Variants in STARD3 observed in about 807,000 individuals in gnomAD.
STARD3 encodes StAR related lipid transfer domain containing 3, also known as stAR-related lipid transfer protein 3.
STARD3 carries 39 observed loss-of-function variants against 62.0 expected under a neutral mutation model. The observed-to-expected ratio is 0.63, with a 90% CI of 0.49 to 0.82. The LOEUF (loss-of-function observed/expected upper bound fraction) is 0.82. Among genes scored for constraint, STARD3 ranks in the 40% least tolerant of loss-of-function variants. The pLI, the probability that STARD3 is intolerant of heterozygous loss-of-function variation, is 0.00. For missense variants in STARD3, 543 were observed against 584.5 expected, an observed-to-expected ratio of 0.93 and a Z score of 0.73; for synonymous variants, 229 against 242.4, an observed-to-expected ratio of 0.94 and a Z score of 0.51.
rs1483126201 is a variant in STARD3 at position 39,664,142 on chromosome 17, T to C, written c.*1234T>C. ...CTCTCTCAGCTTCTGCTTCCCACTT[T>C]ATGAAAATGGGACTGATGTCACAGG... On this transcript the variant is annotated 3_prime_UTR_variant, in exon 15 of 15. Transcript: ENST00000336308. 6.6e-6 allele frequency: 1 copy of C among 152,310 alleles called. No homozygotes were observed. The highest frequency in any genetic ancestry group is 1.5e-5 in the Non-Finnish European group (1 of 68,032). The allele number at this position is 152,310 out of a possible 1,614,324, so 9.4% of individuals were successfully genotyped here.
intron 7 of STARD3, 27 bp from the exon 8 acceptor site, chr17:39,659,024 A>C (rs761136958): frequency 1.2e-6 from 2 of 1,613,554 alleles, no homozygotes; most frequent in Admixed American, 1.7e-5. Context: ...ACCCCTTGCC[A>C]TTGTCATCTG....
chr17:39,659,821 T>C (rs1389250116), intron 9 of STARD3: 1 of 476,770 alleles, frequency 2.1e-6, no homozygotes. Flanking sequence ...GAAGCCAGGC[T>C]TCTGCTCTGC....
At chr17:39,650,274 T>G (rs1195448562) in intron 1 of STARD3, among the ~76,000 whole-genome samples, 1 of 152,042 alleles carries the variant, frequency 6.6e-6, no homozygotes, top group African/African-American at 2.4e-5. Context: ...AAGAGCACCA[T>G]GTGACAGCGA....
intron 1 of STARD3, among the ~76,000 whole-genome samples, chr17:39,650,975 G>T (rs2057072759): frequency 6.6e-6 from 1 of 152,226 alleles, no homozygotes; most frequent in Non-Finnish European, 1.5e-5. Context: ...GCTGCGGCCT[G>T]TCACCATGAG....
intron 13 of STARD3, among the ~76,000 whole-genome samples, chr17:39,661,590 C>G (rs903806714): frequency 1.3e-5 from 2 of 152,178 alleles, no homozygotes; most frequent in African/African-American, 2.4e-5. Flanking sequence ...GGAGTCTTCC[C>G]TTTTGTCCAG....
chr17:39,659,192 G>A (rs1219386806), intron 8 of STARD3, 86 bp downstream of exon 8: 4 of 1,549,722 alleles, frequency 2.6e-6, no homozygotes, highest in Non-Finnish European at 3.5e-6. Flanking sequence ...GGTGGGCAGG[G>A]GTTTCCCAGT....
chr17:39,646,315 C>T (rs2057025858), intron 1 of STARD3, among the ~76,000 whole-genome samples: 1 of 152,172 alleles, frequency 6.6e-6, no homozygotes, highest in South Asian at 2.1e-4. Flanking sequence ...TGCAGTGGCA[C>T]AGTCTCAGCC....
At position 39,658,539 on chromosome 17, in the gene STARD3, A is replaced by AG. The variant is rs1170438313; in HGVS notation, c.547+23dup. The stretch of plus-strand genomic sequence containing the variant: ...AGGAGCGATGTGAGTGCTTGCGGGT[A>AG]GGGGGGTGCAGCGAGGGTTACCCAC... On this transcript the variant is annotated intron_variant, in intron 6 of 14. Transcript: ENST00000336308. 11 of 1,610,044 alleles carry AG rather than the reference A, an allele frequency of 6.8e-6. No homozygotes were observed. The highest frequency in any genetic ancestry group is 2.2e-5 in the East Asian group (1 of 44,860).
intron 1 of STARD3, among the ~76,000 whole-genome samples, chr17:39,649,753 C>T (rs879940133): frequency 3.3e-5 from 5 of 150,992 alleles, no homozygotes; most frequent in African/African-American, 4.9e-5. Context: ...GTAATCCAGG[C>T]TACTTGGGAG....
chr17:39,649,716 G>C (rs2057058619), intron 1 of STARD3, among the ~76,000 whole-genome samples: 1 of 151,798 alleles, frequency 6.6e-6, no homozygotes, highest in African/African-American at 2.4e-5. Context: ...AAAATACAAA[G>C]TTAGCTGGAC....
At position 39,660,349 on chromosome 17, in the gene STARD3, G is replaced by T. The variant is rs1219202157; in HGVS notation, c.858+76G>T. ...CAGGAAGGTGCCGAGGGGCCCTCTG[G>T]TGGGTGCCCCCCACCAAGAGGGAAG... On this transcript the variant is annotated intron_variant, in intron 10 of 14. Transcript: ENST00000336308. The surrounding 1 kb of genome is among the most constrained non-coding windows in gnomAD (Gnocchi z 4.8). 3 of 1,610,020 alleles carry T rather than the reference G, an allele frequency of 1.9e-6. No individual in the cohort carries two copies. In the African/African-American group the frequency reaches 4.0e-5, roughly 22 times the overall value.
At chr17:39,658,619 C>T in intron 6 of STARD3, 97 bp downstream of exon 6, 6 of 1,571,882 alleles carry the variant, frequency 3.8e-6, no homozygotes, top group South Asian at 1.1e-5. Context: ...CATCTCGCCA[C>T]CTCTGAGCAG....
In STARD3 at chr17:39,655,858, C is replaced by G. The variant is rs564628578; in HGVS notation, c.220-1150C>G. Among the ~76,000 whole-genome samples, 110 of 151,900 alleles carry G rather than the reference C, an allele frequency of 7.2e-4. 1 individual carries two copies. The highest frequency in any genetic ancestry group is 2.5e-3 in the African/African-American group (104 of 41,412). ...AGCAGGGGCTGAGACTTGGCTCTCC[C>G]GAGTCCTGATCGGTCAGCACCGGTG... On this transcript the variant is annotated intron_variant, in intron 2 of 14. Coordinates refer to ENST00000336308, the MANE Select transcript of STARD3 (RefSeq NM_006804.4).
At position 39,663,648 on chromosome 17, in the gene STARD3, C is replaced by G. The variant is rs1232472941; in HGVS notation, c.*740C>G. Among the ~76,000 whole-genome samples the G allele has an allele frequency of 6.7e-6, 1 of 149,062 alleles. No homozygotes were observed. Among genetic ancestry groups the G allele is most frequent in the Non-Finnish European group, 1.5e-5 (1 of 67,096 alleles). The stretch of plus-strand genomic sequence containing the variant: ...GCCCCCCATTCCCCCCCCGCCCACC[C>G]CCCACTCCCCGCTTTCCTGACCAGT... On this transcript the variant is annotated 3_prime_UTR_variant, in exon 15 of 15. Coordinates refer to ENST00000336308, the MANE Select transcript of STARD3 (RefSeq NM_006804.4).
chr17:39,651,967 T>C (rs1348344908), intron 1 of STARD3: 1 of 152,208 alleles, frequency 6.6e-6, no homozygotes, highest in East Asian at 1.9e-4. Flanking sequence ...GCCTGGGGGC[T>C]ACATGGCAGG....
chr17:39,644,073 T>C (rs758711273), intron 1 of STARD3, among the ~76,000 whole-genome samples: 2 of 152,128 alleles, frequency 1.3e-5, no homozygotes, highest in African/African-American at 2.4e-5. Flanking sequence ...GAAGCCCCCA[T>C]GGGCAGGGGG....
chr17:39,658,273 A>T (rs772428104), intron 5 of STARD3, 132 bp from the exon 6 acceptor site: 8 of 893,004 alleles, frequency 9.0e-6, no homozygotes, highest in Non-Finnish European at 1.1e-5. Flanking sequence ...TGCAGACTTG[A>T]GAGGGTTCCC....
intron 14 of STARD3, 25 bp downstream of exon 14, chr17:39,662,369 T>G (rs1013243987): frequency 6.2e-7 from 1 of 1,607,750 alleles, no homozygotes. Context: ...GGCTGCCAGG[T>G]GGGTTCTGTG....
intron 1 of STARD3, among the ~76,000 whole-genome samples, chr17:39,648,280 C>T (rs936265981): frequency 1.8e-4 from 27 of 151,950 alleles, no homozygotes; most frequent in Admixed American, 1.5e-3. Flanking sequence ...GAGTGAGACT[C>T]CGTCTCAAAA....
Sources: allele counts gnomAD v4.1 joint callset (sites outside exome capture counted in the v4.1 genomes callset), GRCh38; gene constraint gnomAD v4.1.1; non-coding constraint Gnocchi (gnomAD v3.1); transcripts MANE v1.5; gene names NCBI Gene and HGNC (gene_info 2026-07-23, HGNC 2026-07-21).